ADAMTS3: variants seen among roughly 807,000 people sequenced by gnomAD.
ADAMTS3 encodes the protein A disintegrin and metalloproteinase with thrombospondin motifs 3.
In ADAMTS3, 73 loss-of-function variants were observed where a neutral mutation model predicts 129.0. The observed-to-expected ratio is 0.57, with a 90% CI of 0.47 to 0.69. ADAMTS3 has a LOEUF of 0.69. Ranked by LOEUF, ADAMTS3 falls within the 30% of genes least tolerant of loss-of-function variation. The pLI is 0.00. For missense variants in ADAMTS3, 1,457 were observed against 1,514.5 expected (o/e 0.96, Z 0.63); for synonymous variants, 477 against 510.8 (o/e 0.93, Z 0.89).
At chr4:72,389,396 T>C (rs113594571) in intron 4 of ADAMTS3, among the ~76,000 whole-genome samples, 3,962 of 152,244 alleles carry the variant, frequency 0.026, 193 homozygotes, top group African/African-American at 0.091. Context: ...TCTGTAACAT[T>C]TGAAACATTT....
At chr4:72,301,569 T>C (rs1272647428) in intron 17 of ADAMTS3, among the ~76,000 whole-genome samples, 1 of 152,018 alleles carries the variant, frequency 6.6e-6, no homozygotes. Flanking sequence ...GGAAATCCAA[T>C]AAATAAAAAT....
intron 5 of ADAMTS3, among the ~76,000 whole-genome samples, chr4:72,334,485 C>G (rs573243987): frequency 1.3e-5 from 2 of 152,178 alleles, no homozygotes; most frequent in East Asian, 3.9e-4. Flanking sequence ...GAGGACTGCT[C>G]CTGTTGAGGT....
intron 20 of ADAMTS3, among the ~76,000 whole-genome samples, chr4:72,290,547 G>C (rs942832054): frequency 4.6e-5 from 7 of 152,156 alleles, no homozygotes; most frequent in African/African-American, 1.7e-4. Flanking sequence ...AATGGTGCTG[G>C]GCCCTGCATT....
At chr4:72,329,065 A>G (rs1578586686) in intron 5 of ADAMTS3, among the ~76,000 whole-genome samples, 1 of 152,328 alleles carries the variant, frequency 6.6e-6, no homozygotes, top group Admixed American at 6.5e-5. Context: ...TCAACTATTT[A>G]TTGAACAGTG....
chr4:72,438,880 A>G (rs1718038764), intron 3 of ADAMTS3, among the ~76,000 whole-genome samples: 1 of 151,700 alleles, frequency 6.6e-6, no homozygotes, highest in African/African-American at 2.4e-5. Flanking sequence ...AAAAAGATCA[A>G]CTTGCTTAAG....
chr4:72,302,575 G>A (rs1204698197), intron 17 of ADAMTS3, among the ~76,000 whole-genome samples: 2 of 151,946 alleles, frequency 1.3e-5, no homozygotes, highest in African/African-American at 4.8e-5. Flanking sequence ...GAGGGTTTGG[G>A]AAAAACAACT....
chr4:72,282,238 A>T lies in ADAMTS3; in HGVS notation c.*898T>A, dbSNP rs1718368709. On this transcript the variant is annotated 3_prime_UTR_variant, in exon 22 of 22. Coordinates refer to ENST00000286657, the MANE Select transcript of ADAMTS3 (RefSeq NM_014243.3). ...GAACACACACACACAAAAACAAAGG[A>T]CACCTCAACGGTGCCTACTGAGGTC... The T allele has an allele frequency of 6.6e-6, 1 of 152,178 alleles. No individual in the cohort carries two copies. The highest frequency in any genetic ancestry group is 1.9e-4 in the East Asian group (1 of 5,188). 9.4% of individuals were successfully genotyped at this position (152,178 alleles called of 1,614,324 possible).
intron 4 of ADAMTS3, among the ~76,000 whole-genome samples, chr4:72,362,364 G>A (rs1720750623): frequency 6.6e-6 from 1 of 152,074 alleles, no homozygotes; most frequent in South Asian, 2.1e-4. Context: ...GTCTTCCTAA[G>A]GACTCTACCA....
chr4:72,361,808 A>G (rs1720735140), intron 4 of ADAMTS3, among the ~76,000 whole-genome samples: 1 of 152,042 alleles, frequency 6.6e-6, no homozygotes, highest in African/African-American at 2.4e-5. Flanking sequence ...TGCTTGGTAT[A>G]ATTTATCATA....
At chr4:72,449,955 T>C (rs1307666513) in intron 3 of ADAMTS3, among the ~76,000 whole-genome samples, 2 of 151,752 alleles carry the variant, frequency 1.3e-5, no homozygotes, top group East Asian at 2.0e-4. Context: ...TAAACTTATT[T>C]ATCTGCATAA....
Position 72,530,832 on chromosome 4 carries a change from A to G in ADAMTS3, c.504+17646T>C, listed in dbSNP as rs1380782363. Among the ~76,000 whole-genome samples the G allele has an allele frequency of 3.3e-5, 4 of 122,208 alleles. No homozygotes were observed. In the South Asian group the frequency reaches 8.9e-4, roughly 27 times the overall value. 80.2% of individuals were successfully genotyped at this position (122,208 alleles called of 152,430 possible). On this transcript the variant is annotated intron_variant, in intron 3 of 21. Transcript: ENST00000286657. ...ATATATTATATATTATATAGATTAT[A>G]TATAATATATAATATATAATATTTT...
chr4:72,560,310 T>A (rs956182035), intron 2 of ADAMTS3, among the ~76,000 whole-genome samples: 1 of 150,050 alleles, frequency 6.7e-6, no homozygotes, highest in African/African-American at 2.4e-5. Context: ...CATAACAAAA[T>A]CACTGAAAGC....
chr4:72,379,790 A>C (rs184067825), intron 4 of ADAMTS3, among the ~76,000 whole-genome samples: 3 of 152,260 alleles, frequency 2.0e-5, no homozygotes, highest in Admixed American at 1.3e-4. Flanking sequence ...GTCTTACAGG[A>C]TTACTGTAAG....
intron 3 of ADAMTS3, among the ~76,000 whole-genome samples, chr4:72,517,900 G>A (rs1202477675): frequency 1.3e-5 from 2 of 150,732 alleles, no homozygotes; most frequent in African/African-American, 2.4e-5. Flanking sequence ...GTTTGCTCTT[G>A]CTTTTCTAGT....
intron 4 of ADAMTS3, among the ~76,000 whole-genome samples, chr4:72,408,875 A>C (rs1302062156): frequency 6.6e-6 from 1 of 151,750 alleles, no homozygotes; most frequent in Non-Finnish European, 1.5e-5. Flanking sequence ...ATAACAACAC[A>C]TGGACACAGG....
In ADAMTS3 at chr4:72,286,271, C is replaced by G. The variant is rs376935033; in HGVS notation, c.3049+2480G>C. On this transcript the variant is annotated intron_variant, in intron 21 of 21. Coordinates refer to ENST00000286657, the MANE Select transcript of ADAMTS3 (RefSeq NM_014243.3). ...AGTGGCAGCCTCTTAACAGGAATAA[C>G]TACATAAGAATAAAATATTCTGGTG... Among the ~76,000 whole-genome samples, 271 of 152,318 alleles carry G rather than the reference C, an allele frequency of 1.8e-3. 3 individuals carry two copies. The highest frequency in any genetic ancestry group is 6.2e-3 in the African/African-American group (259 of 41,580).
At chr4:72,296,922 T>G (rs1174595868) in intron 18 of ADAMTS3, among the ~76,000 whole-genome samples, 1 of 152,124 alleles carries the variant, frequency 6.6e-6, no homozygotes, top group Non-Finnish European at 1.5e-5. Flanking sequence ...TTTACTAGTT[T>G]TGAAATTTAA....
At chr4:72,409,004 G>A (rs1011756660) in intron 4 of ADAMTS3, among the ~76,000 whole-genome samples, 3 of 151,886 alleles carry the variant, frequency 2.0e-5, no homozygotes, top group Non-Finnish European at 2.9e-5. Context: ...ACCAGGTCAC[G>A]TGTATACCTA....
At chr4:72,428,494 G>A (rs1486975248) in intron 3 of ADAMTS3, among the ~76,000 whole-genome samples, 2 of 152,044 alleles carry the variant, frequency 1.3e-5, no homozygotes, top group Non-Finnish European at 2.9e-5. Context: ...ATCAAAGACT[G>A]TAAACAATTT....
Sources: gnomAD v4.1 joint callset for allele counts (sites outside exome capture counted in the v4.1 genomes callset) on GRCh38, gnomAD v4.1.1 for gene constraint, MANE v1.5 for transcripts, NCBI Gene and HGNC (gene_info 2026-07-23, HGNC 2026-07-21) for gene names.